The following LPA variants were observed in gnomAD, a reference collection of about 807,000 sequenced individuals.
The protein encoded by LPA is apolipoprotein(a).
Under a neutral mutation model 197.9 loss-of-function variants are expected in LPA, and 199 were observed. That is an observed-to-expected ratio of 1.01 (90% confidence interval 0.90 to 1.13). The LOEUF (loss-of-function observed/expected upper bound fraction) is 1.13, where lower values mean the gene tolerates loss of function less well. LPA is among the 50% of genes most tolerant of loss of function. The pLI is 0.00. For synonymous variants in LPA, 715 were observed against 639.5 expected, an observed-to-expected ratio of 1.12 and a Z score of -1.78; for missense variants, 1,853 against 1,785.8, an observed-to-expected ratio of 1.04 and a Z score of -0.68.
intron 26 of LPA, among the ~76,000 whole-genome samples, chr6:160,580,136 A>C (rs1178156689): frequency 1.3e-5 from 2 of 152,188 alleles, no homozygotes; most frequent in East Asian, 3.9e-4. Flanking sequence ...CATACAGACT[A>C]TACACTTTGA....
At position 160,557,428 on chromosome 6, in the gene LPA, A is replaced by G. The variant is rs369173611; in HGVS notation, c.4775T>C (p.Val1592Ala). The change falls in exon 29 of 39, where the codon GTT becomes GCT. Residue 1592 changes from valine to alanine, a missense_variant. Physicochemically the swap from Val to Ala is moderately conservative, Grantham distance 64 (BLOSUM62 0). This residue lies in a region of LPA where 1,737 missense variants were observed against 1,504.4 expected (regional missense o/e 1.15). Coordinates refer to ENST00000316300, the MANE Select transcript of LPA (RefSeq NM_005577.4). ...TESGVLETPTVVPVPSMEAHS... is the reference protein window; with the variant it reads ...TESGVLETPTAVPVPSMEAHS... Reference sequence around the variant, plus strand: ...AGCCTCCATGCTTGGAACTGGAACAACAGTGGGAGTCTCTAGGACACCTGA... The same window carrying G: ...AGCCTCCATGCTTGGAACTGGAACAGCAGTGGGAGTCTCTAGGACACCTGA... The G allele has an allele frequency of 1.9e-6, 3 of 1,614,176 alleles. No homozygotes were observed. Among genetic ancestry groups the G allele is most frequent in the Non-Finnish European group, 2.5e-6 (3 of 1,180,036 alleles).
In LPA at chr6:160,531,628, G is replaced by T; in HGVS notation, c.*101C>A. 6.7e-7 allele frequency: 1 copy of T among 1,495,186 alleles called. No individual in the cohort carries two copies. The highest frequency in any genetic ancestry group is 1.7e-5 in the Admixed American group (1 of 59,382). The allele number at this position is 1,495,186 out of a possible 1,614,324, so 92.6% of individuals were successfully genotyped here. A position where few individuals can be genotyped will look rare whatever the true frequency, so the allele number is the denominator to read the frequency against. On this transcript the variant is annotated 3_prime_UTR_variant, in exon 39 of 39. Coordinates refer to ENST00000316300, the MANE Select transcript of LPA (RefSeq NM_005577.4). The stretch of plus-strand genomic sequence containing the variant: ...TTGGCATAGCTGGTAGCTGGGAACA[G>T]TGTCTTCGTTTGATTGCTGTCTATT...
At chr6:160,635,596 T>C (rs1352129146) in intron 6 of LPA, among the ~76,000 whole-genome samples, 1 of 124,578 alleles carries the variant, frequency 8.0e-6, no homozygotes, top group African/African-American at 3.3e-5. Context: ...ACGATCAGAG[T>C]ATTCTCCTTC....
At chr6:160,564,915 G>A (rs913753160) in intron 28 of LPA, among the ~76,000 whole-genome samples, 4 of 152,142 alleles carry the variant, frequency 2.6e-5, no homozygotes, top group African/African-American at 9.7e-5. Context: ...AGCAGTCTGA[G>A]ATTGAACTGC....
At chr6:160,552,410 C>T (rs1778181349) in intron 30 of LPA, among the ~76,000 whole-genome samples, 1 of 152,048 alleles carries the variant, frequency 6.6e-6, no homozygotes, top group Non-Finnish European at 1.5e-5. Context: ...TAATTCTTTC[C>T]TCAACATTGT....
chr6:160,654,051 A>G lies in LPA; in HGVS notation c.50-3554T>C, dbSNP rs59641331. ...TAATATATATTATATATAATATATA[A>G]TATATTATATATATTATATATAATA... On this transcript the variant is annotated intron_variant, in intron 1 of 38. Coordinates refer to ENST00000316300, the MANE Select transcript of LPA (RefSeq NM_005577.4). 8.4e-4 allele frequency among the ~76,000 whole-genome samples: 6 copies of G among 7,116 alleles called. 2 individuals are homozygous for G. The highest frequency in any genetic ancestry group is 4.6e-3 in the African/African-American group (6 of 1,302). The allele number at this position is 7,116 out of a possible 152,430, so 4.7% of individuals were successfully genotyped here.
chr6:160,555,126 T>C (rs1778232535), intron 30 of LPA, among the ~76,000 whole-genome samples: 1 of 151,784 alleles, frequency 6.6e-6, no homozygotes, highest in African/African-American at 2.4e-5. Flanking sequence ...ATCTGTTTAC[T>C]TCCTAATTCT....
At position 160,595,458 on chromosome 6, in the gene LPA, C is replaced by A. The variant is rs1779113578; in HGVS notation, c.3365G>T (p.Arg1122Met). Residue 1122 changes from arginine (R) to methionine (M), a missense_variant, in exon 21 of 39, where the codon AGG (arginine) becomes ATG (methionine). By Grantham distance (91) the Arg-to-Met change is moderately conservative. Around this residue, in one of 3 missense-constraint regions of LPA, gnomAD observed 1,737 missense variants for 1,504.4 expected, o/e 1.15. Transcript: ENST00000316300. ...PWCYTMDPSV[R>M]WEYCNLTQCL... ...TTGTGTCAGGTTGCAGTACTCCCAC[C>A]TGACACTGGGATCCATGGTGTAACA... 1 of 1,613,780 alleles carries A rather than the reference C, an allele frequency of 6.2e-7. No homozygotes were observed. The highest frequency in any genetic ancestry group is 1.1e-5 in the South Asian group (1 of 91,068).
In LPA at chr6:160,553,937, C is replaced by CTGTGTGTGTG. The variant is rs59853609; in HGVS notation, c.4973+2078_4973+2087dup. 1.2e-3 allele frequency among the ~76,000 whole-genome samples: 172 copies of CTGTGTGTGTG among 139,132 alleles called. 1 individual carries two copies. The highest frequency in any genetic ancestry group is 8.3e-3 in the East Asian group (41 of 4,916). 91.3% of individuals were successfully genotyped at this position (139,132 alleles called of 152,430 possible). On this transcript the variant is annotated intron_variant, in intron 30 of 38. Coordinates refer to ENST00000316300, the MANE Select transcript of LPA (RefSeq NM_005577.4). Reference sequence around the variant, plus strand: ...TCTCTCTTTCTCTCTCTCTCTCTCTCTGTGTGTGTGTGTGTGTGCGCGCGC... The same window carrying CTGTGTGTGTG: ...TCTCTCTTTCTCTCTCTCTCTCTCTCTGTGTGTGTGTGTGTGTGTGTGTGTGTGCGCGCGC...
intron 26 of LPA, among the ~76,000 whole-genome samples, chr6:160,580,562 C>A (rs182482291): frequency 1.3e-5 from 2 of 152,162 alleles, no homozygotes; most frequent in African/African-American, 4.8e-5. Flanking sequence ...AGCTCCAAAT[C>A]GGTGACACCA....
intron 30 of LPA, among the ~76,000 whole-genome samples, chr6:160,555,279 A>G (rs1397707465): frequency 8.1e-6 from 1 of 123,546 alleles, no homozygotes; most frequent in African/African-American, 3.2e-5. Context: ...ATTATATTAT[A>G]TTATATTATA....
At chr6:160,557,261 G>C (rs1177872016) in intron 29 of LPA, 129 bp downstream of exon 29, 2 of 1,145,758 alleles carry the variant, frequency 1.7e-6, no homozygotes, top group Non-Finnish European at 2.6e-6. Context: ...AGAGAGTGCT[G>C]AGGCTTCTTT....
At chr6:160,553,955 G>GTGTGTGTGTGCGCGCA (rs1554231680) in intron 30 of LPA, among the ~76,000 whole-genome samples, 1 of 37,768 alleles carries the variant, frequency 2.6e-5, no homozygotes, top group Non-Finnish European at 6.2e-5. Context: ...GTGTGTGTGT[G>GTGTGTGTGTGCGCGCA]CGCGCGCGCG....
intron 28 of LPA, among the ~76,000 whole-genome samples, chr6:160,562,209 A>G (rs1190164076): frequency 2.0e-5 from 3 of 152,206 alleles, no homozygotes; most frequent in Non-Finnish European, 4.4e-5. Flanking sequence ...TGCATTTGTC[A>G]TAAGTAGCTC....
At chr6:160,577,112 T>C in intron 28 of LPA, 24 bp downstream of exon 28, 3 of 1,612,102 alleles carry the variant, frequency 1.9e-6, no homozygotes, top group Non-Finnish European at 2.5e-6. Context: ...GTTGCTCCTC[T>C]TATGGTTTTA....
At position 160,647,083 on chromosome 6, in the gene LPA, T is replaced by G. The variant is rs551073479; in HGVS notation, c.210-688A>C. ...AAACTTGCTCCCAGGCAGAATGCAG[T>G]ATCTCTAGAATGGGTTCCTGGGCAG... On this transcript the variant is annotated intron_variant, in intron 2 of 38. Coordinates refer to ENST00000316300, the MANE Select transcript of LPA (RefSeq NM_005577.4). Among the ~76,000 whole-genome samples the G allele has an allele frequency of 9.6e-3, 1,462 of 152,292 alleles. 12 individuals carry two copies. The highest frequency in any genetic ancestry group is 0.014 in the Non-Finnish European group (952 of 68,026).
chr6:160,584,222 TTCTTCTTCTTCTTCTTCCTCCTCC>T (rs1246693452), intron 26 of LPA, among the ~76,000 whole-genome samples: 1 of 112,386 alleles, frequency 8.9e-6, no homozygotes, highest in East Asian at 4.3e-4. Context: ...CTTCTTCTTC[TTCTTCTTCTTCTTCTTCCTCCTCC>T]TCCTCCTCCT....
Position 160,577,215 on chromosome 6 carries a change from C to T in LPA, c.4552G>A (p.Val1518Ile). The change falls in exon 28 of 39, where the codon GTC becomes ATC. Residue 1518 changes from valine (V) to isoleucine (I), a missense_variant. Physicochemically the swap from Val to Ile is conservative, Grantham distance 29. This residue lies in a region of LPA where 1,737 missense variants were observed against 1,504.4 expected (regional missense o/e 1.15). Transcript: ENST00000316300. ...RSYRGISSTTVTGRTCQSWSS... is the reference protein window; with the variant it reads ...RSYRGISSTTITGRTCQSWSS... Reference sequence around the variant, plus strand: ...CAAGATTGACAGGTCCTTCCTGTGACAGTGGTGGAGGATATGCCTCGATAA... The same window carrying T: ...CAAGATTGACAGGTCCTTCCTGTGATAGTGGTGGAGGATATGCCTCGATAA... The T allele has an allele frequency of 6.2e-7, 1 of 1,613,870 alleles. No homozygotes were observed. Among genetic ancestry groups the T allele is most frequent in the Non-Finnish European group, 8.5e-7 (1 of 1,179,846 alleles).
At chr6:160,600,837 A>T in intron 19 of LPA, 80 bp downstream of exon 19, 1 of 1,477,510 alleles carries the variant, frequency 6.8e-7, no homozygotes. Flanking sequence ...TGTAGCACTG[A>T]AGGGTTGTGC....
Sources: allele counts gnomAD v4.1 joint callset (sites outside exome capture counted in the v4.1 genomes callset), GRCh38; gene constraint gnomAD v4.1.1; regional missense constraint gnomAD v4.1.1; transcripts MANE v1.5; gene names NCBI Gene and HGNC (gene_info 2026-07-23, HGNC 2026-07-21).